The following PNPLA7 variants were observed in gnomAD, a reference collection of about 807,000 sequenced individuals.
The protein encoded by PNPLA7 is patatin-like phospholipase domain-containing protein 7.
PNPLA7 carries 153 observed loss-of-function variants against 161.7 expected under a neutral mutation model. That is an observed-to-expected ratio of 0.95 (90% CI 0.83 to 1.08). PNPLA7 has a LOEUF of 1.08. PNPLA7 is among the 50% of genes least tolerant of loss of function. The probability of loss-of-function intolerance (pLI) is 0.00; values close to 1 mark genes in which losing one functional copy is unlikely to be tolerated. For missense variants in PNPLA7, 1,739 were observed against 1,856.6 expected (o/e 0.94, Z 1.16); for synonymous variants, 809 against 782.1 (o/e 1.03, Z -0.57).
rs4489428 is a variant in PNPLA7 at position 137,460,181 on chromosome 9, C to A, written c.*212G>T. ...CAGGGGCCTCACAGAGCTTCAGGGG[C>A]CTCACAGGACTGCAGGGGGGCTCAC... On this transcript the variant is annotated 3_prime_UTR_variant, in exon 35 of 35. Transcript: ENST00000406427. 3 of 507,376 alleles carry A rather than the reference C, an allele frequency of 5.9e-6. No individual in the cohort carries two copies. Among genetic ancestry groups the A allele is most frequent in the African/African-American group, 5.8e-5 (3 of 51,298 alleles). The allele number at this position is 507,376 out of a possible 1,614,324, so 31.4% of individuals were successfully genotyped here. A position where few individuals can be genotyped will look rare whatever the true frequency, so the allele number is the denominator to read the frequency against.
At chr9:137,515,314 G>A in intron 12 of PNPLA7, 65 bp downstream of exon 12, 1 of 1,559,074 alleles carries the variant, frequency 6.4e-7, no homozygotes, top group South Asian at 1.2e-5. Flanking sequence ...GTGCAGCTCA[G>A]CCTGGGTCTC....
intron 9 of PNPLA7, among the ~76,000 whole-genome samples, 185 bp downstream of exon 9, chr9:137,522,544 A>C (rs1434094246): frequency 5.3e-5 from 8 of 152,208 alleles, no homozygotes; most frequent in African/African-American, 1.7e-4. Flanking sequence ...GAATCCCACA[A>C]CACCAGTGGT....
rs1403775641 is a variant in PNPLA7, at chr9:137,460,121, G to C, written c.*272C>G. 2 of 372,292 alleles carry C rather than the reference G, an allele frequency of 5.4e-6. No homozygotes were observed. The highest frequency in any genetic ancestry group is 1.0e-5 in the Non-Finnish European group (2 of 197,204). The allele number at this position is 372,292 out of a possible 1,614,324, so 23.1% of individuals were successfully genotyped here. A position where few individuals can be genotyped will look rare whatever the true frequency, so the allele number is the denominator to read the frequency against. ...TCGGGGGGCCTCACAGGGCTTCGGG[G>C]GGCCTCACAGGGCTGCAGGGGGTTC... On this transcript the variant is annotated 3_prime_UTR_variant, in exon 35 of 35. Transcript: ENST00000406427.
rs1835218610 is a variant in PNPLA7 at position 137,524,812 on chromosome 9, A to C, written c.748-1955T>G. Among the ~76,000 whole-genome samples, 1 of 150,784 alleles carries C rather than the reference A, an allele frequency of 6.6e-6. No homozygotes were observed. The highest frequency in any genetic ancestry group is 2.4e-5 in the African/African-American group (1 of 40,858). The stretch of plus-strand genomic sequence containing the variant: ...ATGGGTTTCCGTGGATGCCCCGTGG[A>C]ATGAGTTTCCGTGGATGCCCCGTGG... On this transcript the variant is annotated intron_variant, in intron 8 of 34. Transcript: ENST00000406427. The surrounding 1 kb of genome is among the most constrained non-coding windows in gnomAD (Gnocchi z 4.4).
In PNPLA7 at chr9:137,463,408, G is replaced by A. The variant is rs544643340; in HGVS notation, c.3343+7C>T. ...TCCTGCCGGGCGTGGTCCCCCCACC[G>A]CAGTACCTGGGAGGTTGTTGATGTA... On this transcript the variant is annotated splice_region_variant and intron_variant, in intron 29 of 34. Transcript: ENST00000406427. 3.1e-5 allele frequency: 49 copies of A among 1,597,432 alleles called. No individual in the cohort carries two copies. The South Asian group carries it at 3.7e-4, about 12-fold the overall frequency.
chr9:137,462,012 C>G lies in PNPLA7; in HGVS notation c.3675G>C (p.Val1225=). 5 of 1,602,538 alleles carry G rather than the reference C, an allele frequency of 3.1e-6. No homozygotes were observed. The highest frequency in any genetic ancestry group is 4.3e-6 in the Non-Finnish European group (5 of 1,176,176). Residue 1225 remains valine, a synonymous_variant, in exon 32 of 35, where the codon GTG becomes GTC. Transcript: ENST00000406427. The part of the protein sequence containing the change: ...CEVGYQHGRT[V]FDIWGRSGVL... ...CGCCGCTGCGGCCCCAGATGTCAAA[C>G]ACCGTGCGCCCGTGCTGGTAGCCCA...
intron 18 of PNPLA7, among the ~76,000 whole-genome samples, chr9:137,496,131 GT>G (rs1184361437): frequency 2.5e-5 from 3 of 118,306 alleles, no homozygotes; most frequent in East Asian, 7.1e-4. Context: ...ACGGAGTTTA[GT>G]TTTTTTTTGT....
chr9:137,541,501 C>A lies in PNPLA7; in HGVS notation c.667-779G>T. ...CCGGAGCTGGCGTGGGATCACAGCC[C>A]ACTCCCGGGACCACAGCTGGCAGGA... On this transcript the variant is annotated intron_variant, in intron 7 of 34. Transcript: ENST00000406427. The surrounding 1 kb of genome is among the most constrained non-coding windows in gnomAD (Gnocchi z 4.4). The A allele has an allele frequency of 1.0e-6, 1 of 985,458 alleles. No homozygotes were observed. The highest frequency in any genetic ancestry group is 1.2e-6 in the Non-Finnish European group (1 of 829,912). 61.0% of individuals were successfully genotyped at this position (985,458 alleles called of 1,614,324 possible).
rs181576111 is a variant in PNPLA7, at chr9:137,511,798, G to A, written c.1225+3581C>T. Among the ~76,000 whole-genome samples, 5 of 152,342 alleles carry A rather than the reference G, an allele frequency of 3.3e-5. No homozygotes were observed. In the East Asian group the frequency reaches 9.6e-4, roughly 29 times the overall value. The stretch of plus-strand genomic sequence containing the variant: ...AAGTTCTTAGAAGATAGCAGTAGCA[G>A]AATTAGCGAAAGTATTAGAGTCTTT... On this transcript the variant is annotated intron_variant, in intron 12 of 34. Transcript: ENST00000406427.
intron 20 of PNPLA7, among the ~76,000 whole-genome samples, chr9:137,485,040 C>G (rs1469412811): frequency 6.6e-6 from 1 of 152,228 alleles, no homozygotes; most frequent in Non-Finnish European, 1.5e-5. Flanking sequence ...CACGCTGTCC[C>G]CAGCCATGTG....
intron 15 of PNPLA7, among the ~76,000 whole-genome samples, chr9:137,501,284 C>T (rs777545635): frequency 3.9e-5 from 6 of 152,190 alleles, no homozygotes; most frequent in African/African-American, 1.4e-4. Flanking sequence ...CCACACTGAG[C>T]CCCCGGCACA....
chr9:137,478,778 G>A (rs1832061654), intron 24 of PNPLA7: 4 of 387,360 alleles, frequency 1.0e-5, no homozygotes, highest in African/African-American at 2.1e-5. Flanking sequence ...GGTTTGCTGA[G>A]CCCCCTGATT....
intron 8 of PNPLA7, among the ~76,000 whole-genome samples, chr9:137,539,864 C>T (rs1224768150): frequency 6.6e-6 from 1 of 152,178 alleles, no homozygotes; most frequent in Non-Finnish European, 1.5e-5. Flanking sequence ...TGGCTCACTG[C>T]AACCTCTACC....
At chr9:137,498,686 TGGGTG>T (rs1833204768) in intron 16 of PNPLA7, among the ~76,000 whole-genome samples, 1 of 151,836 alleles carries the variant, frequency 6.6e-6, no homozygotes, top group Non-Finnish European at 1.5e-5. Context: ...CTCTCCTGGG[TGGGTG>T]GAGGGTGGCT....
intron 10 of PNPLA7, 47 bp downstream of exon 10, chr9:137,521,589 C>G: frequency 6.3e-7 from 1 of 1,585,916 alleles, no homozygotes; most frequent in Non-Finnish European, 8.6e-7. Flanking sequence ...GTCCCGATGC[C>G]AGCTGCATGG....
In PNPLA7 at chr9:137,477,596, G is replaced by A. The variant is rs1381701366; in HGVS notation, c.2882+438C>T. On this transcript the variant is annotated intron_variant, in intron 25 of 34. Coordinates refer to ENST00000406427, the MANE Select transcript of PNPLA7 (RefSeq NM_001098537.3). ...TCCAAGCAGCTGGGACTACAGGTGCGCGCCACCACGCCTAATTTTTCTATT... is the reference window on the plus strand; with the variant it reads ...TCCAAGCAGCTGGGACTACAGGTGCACGCCACCACGCCTAATTTTTCTATT... 2.6e-5 allele frequency among the ~76,000 whole-genome samples: 4 copies of A among 152,054 alleles called. 1 individual carries two copies. The highest frequency in any genetic ancestry group is 1.9e-4 in the East Asian group (1 of 5,178).
chr9:137,513,135 G>A (rs984338079), intron 12 of PNPLA7, among the ~76,000 whole-genome samples: 1 of 152,110 alleles, frequency 6.6e-6, no homozygotes, highest in Non-Finnish European at 1.5e-5. Flanking sequence ...CCTCATTCTT[G>A]CAGTATAAAC....
chr9:137,464,279 TGGG>T lies in PNPLA7; in HGVS notation c.3156+58_3156+60del, dbSNP rs1831362587. On this transcript the variant is annotated intron_variant, in intron 27 of 34. Transcript: ENST00000406427. The stretch of plus-strand genomic sequence containing the variant: ...GGGAGGCTGACCCAGGGCCAAGAGG[TGGG>T]GGGCCAGGAGGGGACAGGCACTGGG... The T allele has an allele frequency of 2.5e-6, 4 of 1,603,112 alleles. No individual in the cohort carries two copies. In the Admixed American group the frequency reaches 6.7e-5, roughly 27 times the overall value.
chr9:137,500,090 C>G lies in PNPLA7; in HGVS notation c.1757+601G>C, dbSNP rs1449868282. ...AGCCACAGGCGGGCCGAGGGCAGCTCTGGGCCTGGAGGGGCCAAATCTGAG... is the reference window on the plus strand; with the variant it reads ...AGCCACAGGCGGGCCGAGGGCAGCTGTGGGCCTGGAGGGGCCAAATCTGAG... On this transcript the variant is annotated intron_variant, in intron 16 of 34. Coordinates refer to ENST00000406427, the MANE Select transcript of PNPLA7 (RefSeq NM_001098537.3). The surrounding 1 kb of genome is among the most constrained non-coding windows in gnomAD (Gnocchi z 5.5). 1.3e-5 allele frequency among the ~76,000 whole-genome samples: 2 copies of G among 152,240 alleles called. No homozygotes were observed. The highest frequency in any genetic ancestry group is 2.9e-5 in the Non-Finnish European group (2 of 68,036).
Sources: allele counts gnomAD v4.1 joint callset (sites outside exome capture counted in the v4.1 genomes callset), GRCh38; gene constraint gnomAD v4.1.1; non-coding constraint Gnocchi (gnomAD v3.1); transcripts MANE v1.5; gene names NCBI Gene and HGNC (gene_info 2026-07-23, HGNC 2026-07-21).